The following RNPEP variants were observed in gnomAD, a reference collection of about 807,000 sequenced individuals.
RNPEP encodes the protein aminopeptidase B.
Under a neutral mutation model 70.1 loss-of-function variants are expected in RNPEP, and 57 were observed. That is an observed-to-expected ratio of 0.81 (90% confidence interval 0.66 to 1.01). RNPEP has a LOEUF of 1.01. Ranked by LOEUF, RNPEP falls within the 50% of genes least tolerant of loss-of-function variation. The pLI is 0.00. For missense variants in RNPEP, 787 were observed against 852.4 expected (o/e 0.92, Z 0.96); for synonymous variants, 335 against 357.4 (o/e 0.94, Z 0.71).
At chr1:201,999,869 T>C in intron 5 of RNPEP, 33 bp from the exon 6 acceptor site, 2 of 1,569,512 alleles carry the variant, frequency 1.3e-6, no homozygotes, top group South Asian at 1.1e-5. Flanking sequence ...GTGACAGACG[T>C]TTTCCCGAGG....
Position 201,982,978 on chromosome 1 carries a change from T to G in RNPEP, c.312T>G (p.Pro104=). Residue 104 remains proline (P), a synonymous_variant, in exon 1 of 11, where the codon CCT becomes CCG. Transcript: ENST00000295640. ...RRERPGSEEP[P]AEPVSFYTQP... ...AGCGGCCCGGCTCGGAGGAGCCGCC[T>G]GCGGAGCCCGTGAGCTTCTACACGC... 1 of 1,510,502 alleles carries G rather than the reference T, an allele frequency of 6.6e-7. No homozygotes were observed. The highest frequency in any genetic ancestry group is 8.8e-7 in the Non-Finnish European group (1 of 1,132,190). 93.6% of individuals were successfully genotyped at this position (1,510,502 alleles called of 1,614,324 possible).
intron 3 of RNPEP, among the ~76,000 whole-genome samples, chr1:201,990,125 A>C (rs1035322516): frequency 2.6e-5 from 4 of 152,216 alleles, no homozygotes; most frequent in African/African-American, 9.6e-5. Context: ...GATTACAGGC[A>C]TGAGCCATCA....
At position 201,996,135 on chromosome 1, in the gene RNPEP, T is replaced by G. The variant is rs1485813973; in HGVS notation, c.738-12T>G. 1 of 1,607,554 alleles carries G rather than the reference T, an allele frequency of 6.2e-7. No homozygotes were observed. Among genetic ancestry groups the G allele is most frequent in the South Asian group, 1.1e-5 (1 of 90,924 alleles). ...AAACACCATTCTGCTTTCTCTGCTC[T>G]CTTGTCTTTAGGAGCCGGGTGTGGG... On this transcript the variant is annotated splice_polypyrimidine_tract_variant and intron_variant, in intron 3 of 10. Coordinates refer to ENST00000295640, the MANE Select transcript of RNPEP (RefSeq NM_020216.4).
At chr1:201,986,491 T>C in intron 1 of RNPEP, among the ~76,000 whole-genome samples, 1 of 151,754 alleles carries the variant, frequency 6.6e-6, no homozygotes, top group Middle Eastern at 3.2e-3. Flanking sequence ...ATTGGGATTA[T>C]GGGTTTTGAG....
At chr1:202,005,480 G>A (rs1259397956) in intron 10 of RNPEP, 78 bp from the exon 11 acceptor site, 10 of 1,534,314 alleles carry the variant, frequency 6.5e-6, no homozygotes, top group Non-Finnish European at 8.9e-6. Flanking sequence ...GCTGCTGTTA[G>A]ACTGGCACTG....
At chr1:201,998,868 T>C (rs1683670800) in intron 5 of RNPEP, among the ~76,000 whole-genome samples, 1 of 152,088 alleles carries the variant, frequency 6.6e-6, no homozygotes, top group South Asian at 2.1e-4. Flanking sequence ...GACTTAGAGA[T>C]CCTTAAAAAT....
intron 1 of RNPEP, chr1:201,983,434 C>A: frequency 1.4e-6 from 2 of 1,457,998 alleles, no homozygotes; most frequent in East Asian, 3.1e-5. Context: ...CGCACACTGC[C>A]GTTTCTAACA....
intron 5 of RNPEP, 68 bp downstream of exon 5, chr1:201,997,622 C>A: frequency 8.2e-7 from 1 of 1,224,404 alleles, no homozygotes; most frequent in African/African-American, 1.5e-5. Flanking sequence ...AGTGTGATCT[C>A]CTTATGGGGT....
chr1:201,988,756 G>T, intron 1 of RNPEP, 148 bp from the exon 2 acceptor site: 1 of 908,518 alleles, frequency 1.1e-6, no homozygotes, highest in Non-Finnish European at 1.7e-6. Flanking sequence ...ATACACAGAG[G>T]AGAGAGCTTT....
chr1:202,001,517 G>A lies in RNPEP; in HGVS notation c.1317+29G>A, dbSNP rs760452741. On this transcript the variant is annotated intron_variant, in intron 7 of 10. Coordinates refer to ENST00000295640, the MANE Select transcript of RNPEP (RefSeq NM_020216.4). ...TAGTCACATGAGGGGAGAAGGAAGA[G>A]GAGCGGATAAAGCCACTGGGCCTGA... The A allele has an allele frequency of 4.5e-6, 7 of 1,557,646 alleles. No individual in the cohort carries two copies. The South Asian group carries it at 5.6e-5, about 12-fold the overall frequency.
At chr1:201,984,468 T>G (rs11590299) in intron 1 of RNPEP, among the ~76,000 whole-genome samples, 1 of 151,928 alleles carries the variant, frequency 6.6e-6, no homozygotes, top group Non-Finnish European at 1.5e-5. Flanking sequence ...GAGTAGTGGC[T>G]TTGAATAGAA....
chr1:201,992,129 C>T (rs370267252), intron 3 of RNPEP, among the ~76,000 whole-genome samples: 1 of 151,796 alleles, frequency 6.6e-6, no homozygotes, highest in African/African-American at 2.4e-5. Flanking sequence ...CTACCAGGCT[C>T]AAGCAGTCCT....
At chr1:201,988,149 AAAAAG>A (rs529547505) in intron 1 of RNPEP, among the ~76,000 whole-genome samples, 19 of 149,264 alleles carry the variant, frequency 1.3e-4, no homozygotes, top group Admixed American at 4.0e-4. Flanking sequence ...TCGAAAAAAA[AAAAAG>A]AAAAGAAAAG....
In RNPEP at chr1:201,988,970, G is replaced by T; in HGVS notation, c.514G>T (p.Ala172Ser). ...KKPFVYTQGQ[A>S]VLNRAFFPCF... ...GCCCTTCGTGTACACCCAGGGCCAG[G>T]CTGTCCTAAACCGGGCCTTCTTCCC... is the stretch of plus-strand genomic sequence containing the variant. Residue 172 changes from alanine to serine, a missense_variant, in exon 2 of 11, where the codon GCT becomes TCT. Physicochemically the swap from Ala to Ser is moderately conservative, Grantham distance 99. Transcript: ENST00000295640. The T allele has an allele frequency of 6.2e-7, 1 of 1,614,160 alleles. No individual in the cohort carries two copies. Among genetic ancestry groups the T allele is most frequent in the Non-Finnish European group, 8.5e-7 (1 of 1,180,014 alleles).
At chr1:201,996,346 C>A (rs908678316) in intron 4 of RNPEP, 83 bp downstream of exon 4, 1 of 968,386 alleles carries the variant, frequency 1.0e-6, no homozygotes, top group Non-Finnish European at 1.7e-6. Flanking sequence ...GCTTTTCCAC[C>A]TCCTGCCTCC....
chr1:201,998,542 G>A (rs12750201), intron 5 of RNPEP, among the ~76,000 whole-genome samples: 19,998 of 152,160 alleles, frequency 0.13, 1,550 homozygotes, highest in Admixed American at 0.23. Context: ...CACTGCGCCC[G>A]GCCCTGAACG....
rs1452958834 is a variant in RNPEP, at chr1:202,004,831, A to G, written c.1794+335A>G. The stretch of plus-strand genomic sequence containing the variant: ...GAGGGAAAGGGGCCAGAGGCGGAGC[A>G]AGAGGAACAAAGGCTTGGAGGATAG... On this transcript the variant is annotated intron_variant, in intron 10 of 10. Transcript: ENST00000295640. Among the ~76,000 whole-genome samples, 5 of 152,252 alleles carry G rather than the reference A, an allele frequency of 3.3e-5. No individual in the cohort carries two copies. The East Asian group carries it at 7.7e-4, about 23-fold the overall frequency.
At chr1:202,003,880 C>A (rs913379604) in intron 9 of RNPEP, among the ~76,000 whole-genome samples, 19 of 152,222 alleles carry the variant, frequency 1.2e-4, no homozygotes, top group African/African-American at 4.1e-4. Context: ...AAACAGTTCG[C>A]ACAGAACCCA....
intron 8 of RNPEP, among the ~76,000 whole-genome samples, chr1:202,002,210 C>G (rs1200740103): frequency 1.3e-5 from 2 of 149,510 alleles, no homozygotes; most frequent in African/African-American, 4.9e-5. Flanking sequence ...GTTGCCCAGG[C>G]TGGAGTGCAA....
Sources: allele counts gnomAD v4.1 joint callset (sites outside exome capture counted in the v4.1 genomes callset), GRCh38; gene constraint gnomAD v4.1.1; transcripts MANE v1.5; gene names NCBI Gene and HGNC (gene_info 2026-07-23, HGNC 2026-07-21).